CCDC192: variants seen among roughly 807,000 people sequenced by gnomAD.
CCDC192 encodes the protein coiled-coil domain-containing protein 192.
chr5:127,879,061 C>A (rs1263028802), intron 6 of CCDC192, among the ~76,000 whole-genome samples: 1 of 151,142 alleles, frequency 6.6e-6, no homozygotes, highest in South Asian at 2.1e-4. Context: ...GATTTTGTAT[C>A]CTGAGACTTT....
rs116344118 is a variant in CCDC192 at position 127,758,270 on chromosome 5, G to A, written c.222+3895G>A. 7.0e-3 allele frequency among the ~76,000 whole-genome samples: 1,071 copies of A among 152,200 alleles called. 15 individuals are homozygous for A. Among genetic ancestry groups the A allele is most frequent in the African/African-American group, 0.024 (1,012 of 41,526 alleles). ...GCATTTCTAAGGTCTCCTTCAGCAA[G>A]GTCCACTGTTACAAAGAAAAAAATT... is the stretch of plus-strand genomic sequence containing the variant. On this transcript the variant is annotated intron_variant, in intron 3 of 6. Transcript: ENST00000514853.
intron 2 of CCDC192, among the ~76,000 whole-genome samples, chr5:127,739,074 A>G (rs370017906): frequency 5.9e-5 from 9 of 151,628 alleles, no homozygotes; most frequent in South Asian, 2.1e-4. Context: ...TCTACTTTTG[A>G]TCTTTGATGA....
At chr5:127,841,262 A>G (rs1293756379) in intron 5 of CCDC192, among the ~76,000 whole-genome samples, 2 of 152,212 alleles carry the variant, frequency 1.3e-5, no homozygotes, top group African/African-American at 4.8e-5. Flanking sequence ...AGAACAAAGC[A>G]CATAATTTCG....
At chr5:127,789,042 C>A (rs1756722344) in intron 3 of CCDC192, among the ~76,000 whole-genome samples, 1 of 152,148 alleles carries the variant, frequency 6.6e-6, no homozygotes, top group African/African-American at 2.4e-5. Context: ...CCTCACAAGA[C>A]ACTGAATTTT....
At chr5:127,735,853 A>G (rs1422337705) in intron 2 of CCDC192, among the ~76,000 whole-genome samples, 1 of 136,740 alleles carries the variant, frequency 7.3e-6, no homozygotes, top group East Asian at 2.2e-4. Flanking sequence ...TTTTCTAGAT[A>G]TACAATCATG....
At chr5:127,750,126 G>T (rs9688160) in intron 2 of CCDC192, among the ~76,000 whole-genome samples, 12 of 152,042 alleles carry the variant, frequency 7.9e-5, no homozygotes, top group South Asian at 2.1e-4. Context: ...ACTTCTGCTC[G>T]GATTTTAGTT....
At chr5:127,786,558 C>G (rs368968909) in intron 3 of CCDC192, 10 of 675,924 alleles carry the variant, frequency 1.5e-5, no homozygotes, top group Non-Finnish European at 2.5e-5. Context: ...TCCAAGTCAC[C>G]AATGCAAGGG....
At chr5:127,721,208 A>G (rs1486955873) in intron 2 of CCDC192, among the ~76,000 whole-genome samples, 1 of 152,206 alleles carries the variant, frequency 6.6e-6, no homozygotes, top group South Asian at 2.1e-4. Flanking sequence ...GTTTCAGACC[A>G]TTTCTTTGCT....
At chr5:127,878,123 G>T (rs1752155115) in intron 6 of CCDC192, among the ~76,000 whole-genome samples, 1 of 152,186 alleles carries the variant, frequency 6.6e-6, no homozygotes, top group South Asian at 2.1e-4. Flanking sequence ...GATTCTCTCA[G>T]GCTAGACTTC....
At position 127,736,466 on chromosome 5, in the gene CCDC192, C is replaced by T. The variant is rs539546498; in HGVS notation, c.115-17802C>T. On this transcript the variant is annotated intron_variant, in intron 2 of 6. Coordinates refer to ENST00000514853, the MANE Select transcript of CCDC192 (RefSeq NM_001317938.2). ...CATAAAAAGGGTTAGGGAGGATTCC[C>T]TCTTTTTCTATTGATTGGAATAGTT... Among the ~76,000 whole-genome samples, 21 of 152,066 alleles carry T rather than the reference C, an allele frequency of 1.4e-4. No homozygotes were observed. The South Asian group carries it at 2.3e-3, about 17-fold the overall frequency.
At chr5:127,793,781 T>C (rs1388313758) in intron 3 of CCDC192, among the ~76,000 whole-genome samples, 2 of 152,162 alleles carry the variant, frequency 1.3e-5, no homozygotes, top group Admixed American at 6.6e-5. Context: ...GTTTCTGCTG[T>C]TTTTCATAAA....
chr5:127,778,141 C>G (rs936668487), intron 3 of CCDC192, among the ~76,000 whole-genome samples: 2 of 152,146 alleles, frequency 1.3e-5, no homozygotes, highest in Non-Finnish European at 1.5e-5. Context: ...CTAGCTAGGA[C>G]TTTCAGTACA....
At chr5:127,751,153 C>G (rs1216653179) in intron 2 of CCDC192, among the ~76,000 whole-genome samples, 3 of 149,252 alleles carry the variant, frequency 2.0e-5, no homozygotes, top group African/African-American at 7.4e-5. Flanking sequence ...TTGATCCTGT[C>G]ATTATGATGT....
intron 5 of CCDC192, among the ~76,000 whole-genome samples, chr5:127,864,690 A>AC (rs1419731051): frequency 2.0e-5 from 3 of 152,218 alleles, no homozygotes; most frequent in African/African-American, 7.2e-5. Context: ...TCACATCACC[A>AC]CCACACCTTT....
At chr5:127,781,536 C>T (rs561047965) in intron 3 of CCDC192, among the ~76,000 whole-genome samples, 33 of 148,740 alleles carry the variant, frequency 2.2e-4, no homozygotes, top group South Asian at 8.5e-4. Context: ...TCCTTGTGCA[C>T]GTCTTTCACC....
At chr5:127,767,779 T>A (rs1273961842) in intron 3 of CCDC192, among the ~76,000 whole-genome samples, 1 of 152,212 alleles carries the variant, frequency 6.6e-6, no homozygotes, top group African/African-American at 2.4e-5. Context: ...GGAGTTTAAA[T>A]GAGCCTTTGT....
At chr5:127,721,835 A>T (rs1005637156) in intron 2 of CCDC192, among the ~76,000 whole-genome samples, 2 of 152,168 alleles carry the variant, frequency 1.3e-5, no homozygotes, top group African/African-American at 4.8e-5. Flanking sequence ...TGGCTGGGGC[A>T]GGAGGAAGAG....
intron 1 of CCDC192, among the ~76,000 whole-genome samples, chr5:127,706,267 G>A (rs748250268): frequency 2.0e-5 from 3 of 152,056 alleles, no homozygotes; most frequent in African/African-American, 4.8e-5. Context: ...AGTGGCTCAC[G>A]CCTGTAATCC....
chr5:127,824,613 G>A (rs908597529), intron 5 of CCDC192, among the ~76,000 whole-genome samples: 1 of 152,134 alleles, frequency 6.6e-6, no homozygotes, highest in African/African-American at 2.4e-5. Flanking sequence ...ATACAGCTGG[G>A]AAGATTTTGG....
Sources: allele counts gnomAD v4.1 joint callset (sites outside exome capture counted in the v4.1 genomes callset), GRCh38; gene constraint gnomAD v4.1.1; transcripts MANE v1.5; gene names NCBI Gene and HGNC (gene_info 2026-07-23, HGNC 2026-07-21).